Variants in IL1RAPL1 observed in about 807,000 individuals in gnomAD.
The protein encoded by IL1RAPL1 is interleukin 1 receptor accessory protein like 1, also known as interleukin-1 receptor accessory protein-like 1.
IL1RAPL1 carries 3 observed loss-of-function variants against 48.4 expected under a neutral mutation model. That is an observed-to-expected ratio of 0.06 (90% CI 0.03 to 0.16). The LOEUF (loss-of-function observed/expected upper bound fraction) is 0.16. Among genes scored for constraint, IL1RAPL1 ranks in the 10% least tolerant of loss-of-function variants. The pLI is 1.00. For synonymous variants in IL1RAPL1, 185 were observed against 187.7 expected, an observed-to-expected ratio of 0.99 and a Z score of 0.12; for missense variants, 349 against 530.6, an observed-to-expected ratio of 0.66 and a Z score of 3.36.
At chrX:28,969,863 A>G (rs1016144227) in intron 2 of IL1RAPL1, among the ~76,000 whole-genome samples, 1 of 106,424 alleles carries the variant, frequency 9.4e-6, no homozygotes, top group African/African-American at 3.4e-5. Context: ...GTTTCTAAAC[A>G]CATATATATA....
chrX:28,671,351 T>C (rs1934945409), intron 1 of IL1RAPL1, among the ~76,000 whole-genome samples: 1 of 112,131 alleles, frequency 8.9e-6, no homozygotes, highest in Admixed American at 9.5e-5. Context: ...TTTGCATTTT[T>C]TTCTATTCCG....
chrX:29,104,880 T>G (rs1928418354), intron 2 of IL1RAPL1, among the ~76,000 whole-genome samples: 1 of 112,100 alleles, frequency 8.9e-6, no homozygotes, highest in Admixed American at 9.5e-5. Flanking sequence ...AGTTTCATCC[T>G]CATGTTCACA....
chrX:28,817,334 C>G (rs1936881624), intron 2 of IL1RAPL1, among the ~76,000 whole-genome samples: 1 of 111,016 alleles, frequency 9.0e-6, no homozygotes. Context: ...GTACTGTAAC[C>G]TATGAGTCAG....
At chrX:29,624,006 GC>G (rs1569130785) in intron 5 of IL1RAPL1, among the ~76,000 whole-genome samples, 1 of 111,873 alleles carries the variant, frequency 8.9e-6, no homozygotes, top group Non-Finnish European at 1.9e-5. Context: ...AGTCAGGTTT[GC>G]CTGCATCAGG....
intron 6 of IL1RAPL1, among the ~76,000 whole-genome samples, chrX:29,888,951 T>C (rs1932221199): frequency 8.9e-6 from 1 of 112,233 alleles, no homozygotes; most frequent in South Asian, 3.7e-4. Context: ...ACTATCCAGT[T>C]TTTAATCAAA....
At chrX:28,908,761 G>A (rs1377790754) in intron 2 of IL1RAPL1, among the ~76,000 whole-genome samples, 1 of 111,514 alleles carries the variant, frequency 9.0e-6, no homozygotes, top group Admixed American at 9.5e-5. Context: ...CTGCCTACTT[G>A]ATCTATCAGT....
chrX:29,584,560 T>G (rs147771888), intron 5 of IL1RAPL1, among the ~76,000 whole-genome samples: 4,831 of 111,062 alleles, frequency 0.043, 273 homozygotes, highest in African/African-American at 0.15. Context: ...CTAAATTCAG[T>G]AGTAATTCTC....
intron 2 of IL1RAPL1, among the ~76,000 whole-genome samples, chrX:28,850,599 CCTCTGG>C (rs1419267267): frequency 1.8e-5 from 2 of 111,098 alleles, no homozygotes; most frequent in Admixed American, 1.9e-4. Context: ...CTCTTGGCCT[CCTCTGG>C]CTTCCTCCTG....
In IL1RAPL1 at chrX:29,741,455, C is replaced by A. The variant is rs181183929; in HGVS notation, c.778+72951C>A. On this transcript the variant is annotated intron_variant, in intron 6 of 10. Coordinates refer to ENST00000378993, the MANE Select transcript of IL1RAPL1 (RefSeq NM_014271.4). ...CTTATTCCCATCATTTTAAACAATG[C>A]TTGGTAGGTTTATATCAACAGATTT... 1.3e-3 allele frequency among the ~76,000 whole-genome samples: 143 copies of A among 111,377 alleles called. 1 individual carries two copies. Among genetic ancestry groups the A allele is most frequent in the African/African-American group, 4.4e-3 (136 of 30,657 alleles).
chrX:29,821,578 A>G (rs1342658317), intron 6 of IL1RAPL1, among the ~76,000 whole-genome samples: 1 of 112,895 alleles, frequency 8.9e-6, no homozygotes, highest in African/African-American at 3.2e-5. Context: ...CCACTTACTC[A>G]TAATGAATTT....
intron 1 of IL1RAPL1, among the ~76,000 whole-genome samples, chrX:28,698,575 CT>C (rs1436846855): frequency 6.3e-5 from 7 of 111,141 alleles, no homozygotes; most frequent in Non-Finnish European, 1.1e-4. Context: ...TGAAAACTTT[CT>C]TCTTTTTGGA....
chrX:28,853,492 C>CGT (rs1921723560), intron 2 of IL1RAPL1, among the ~76,000 whole-genome samples: 1 of 104,541 alleles, frequency 9.6e-6, no homozygotes, highest in African/African-American at 3.4e-5. Context: ...TGTGTGCGCG[C>CGT]GCACACACAC....
intron 6 of IL1RAPL1, among the ~76,000 whole-genome samples, chrX:29,837,939 C>T (rs201646949): frequency 1.5e-4 from 17 of 111,983 alleles, no homozygotes; most frequent in Non-Finnish European, 9.4e-5. Flanking sequence ...GATGAAGTAC[C>T]TTTACATGAG....
chrX:29,505,394 C>T (rs931738202), intron 5 of IL1RAPL1, among the ~76,000 whole-genome samples: 2 of 111,040 alleles, frequency 1.8e-5, no homozygotes, highest in African/African-American at 3.3e-5. Context: ...TTTTTCAGAT[C>T]GAAGAACTCT....
intron 1 of IL1RAPL1, among the ~76,000 whole-genome samples, chrX:28,668,106 T>C (rs1302415535): frequency 8.9e-6 from 1 of 111,744 alleles, no homozygotes; most frequent in Non-Finnish European, 1.9e-5. Context: ...TTTAAAGCCA[T>C]GTGTGCATTG....
At chrX:29,588,304 T>A (rs1386521646) in intron 5 of IL1RAPL1, among the ~76,000 whole-genome samples, 1 of 112,435 alleles carries the variant, frequency 8.9e-6, no homozygotes, top group East Asian at 2.8e-4. Flanking sequence ...ATTTATGGTG[T>A]AATGGATAAG....
intron 2 of IL1RAPL1, among the ~76,000 whole-genome samples, chrX:29,124,799 A>G (rs1211996965): frequency 8.9e-6 from 1 of 111,878 alleles, no homozygotes; most frequent in Admixed American, 9.5e-5. Flanking sequence ...GTGACATTAA[A>G]CAGAAAGGTA....
At chrX:28,681,616 T>C (rs902349077) in intron 1 of IL1RAPL1, among the ~76,000 whole-genome samples, 11 of 111,610 alleles carry the variant, frequency 9.9e-5, no homozygotes, top group Non-Finnish European at 1.9e-4. Context: ...CAATGAAAGA[T>C]ACTTGGAATT....
intron 2 of IL1RAPL1, among the ~76,000 whole-genome samples, chrX:29,034,598 G>C (rs1306105962): frequency 9.0e-6 from 1 of 111,618 alleles, no homozygotes; most frequent in East Asian, 2.8e-4. Flanking sequence ...AACATGAAAT[G>C]TGCCTTTTTC....
Sources: gnomAD v4.1 joint callset for allele counts (sites outside exome capture counted in the v4.1 genomes callset) on GRCh38, gnomAD v4.1.1 for gene constraint, MANE v1.5 for transcripts, NCBI Gene and HGNC (gene_info 2026-07-23, HGNC 2026-07-21) for gene names.